Variants in TNRC6A observed in about 807,000 individuals in gnomAD.
The protein encoded by TNRC6A is trinucleotide repeat containing adaptor 6A.
TNRC6A carries 44 observed loss-of-function variants against 221.2 expected under a neutral mutation model. That is an observed-to-expected ratio of 0.20 (90% CI 0.16 to 0.26). TNRC6A has a LOEUF of 0.26. TNRC6A is among the 10% of genes least tolerant of loss of function. TNRC6A has a pLI of 1.00. For synonymous variants in TNRC6A, 847 were observed against 838.5 expected, an observed-to-expected ratio of 1.01 and a Z score of -0.18; for missense variants, 2,199 against 2,404.4, an observed-to-expected ratio of 0.91 and a Z score of 1.79.
Position 24,825,529 on chromosome 16 carries a change from G to A in TNRC6A, c.*1722G>A, listed in dbSNP as rs2058847979. On this transcript the variant is annotated 3_prime_UTR_variant, in exon 25 of 25. Transcript: ENST00000395799. Reference sequence around the variant, plus strand: ...ATAATGAAAGTTTCAAAGTTGCTATGTATGAGGGTTCTCATAGAGCAACCG... The same window carrying A: ...ATAATGAAAGTTTCAAAGTTGCTATATATGAGGGTTCTCATAGAGCAACCG... 1.3e-5 allele frequency: 2 copies of A among 152,612 alleles called. No homozygotes were observed. The highest frequency in any genetic ancestry group is 4.1e-4 in the South Asian group (2 of 4,828). 9.5% of individuals were successfully genotyped at this position (152,612 alleles called of 1,614,324 possible).
intron 22 of TNRC6A, chr16:24,821,839 C>T: frequency 1.8e-6 from 1 of 551,186 alleles, no homozygotes; most frequent in South Asian, 2.5e-5. Flanking sequence ...CTGCCCTCCT[C>T]TGTGGTGAAC....
intron 23 of TNRC6A, 127 bp downstream of exon 23, chr16:24,822,274 G>C (rs562170128): frequency 1.2e-6 from 1 of 868,106 alleles, no homozygotes; most frequent in South Asian, 1.6e-5. Flanking sequence ...CAGCAGAGGA[G>C]TGGTCTGTAG....
In TNRC6A at chr16:24,790,480, C is replaced by T. The variant is rs2151869178; in HGVS notation, c.1838C>T (p.Pro613Leu). The change falls in exon 6 of 25, where the codon CCC becomes CTC. Residue 613 changes from proline (P) to leucine (L), a missense_variant. By Grantham distance (98) the Pro-to-Leu change is moderately conservative. This residue lies in a region of TNRC6A where 1,405 missense variants were observed against 1,400.2 expected (regional missense o/e 1.00). Transcript: ENST00000395799. ...TPAQNTGTNL[P>L]SVEWNKLPSN... is the part of the protein sequence containing the mutation. The stretch of plus-strand genomic sequence containing the variant: ...GCACAAAACACTGGCACTAATTTAC[C>T]CAGCGTTGAGTGGAACAAACTGCCT... The T allele has an allele frequency of 6.2e-7, 1 of 1,614,198 alleles. No homozygotes were observed. Among genetic ancestry groups the T allele is most frequent in the Non-Finnish European group, 8.5e-7 (1 of 1,180,048 alleles).
At chr16:24,676,059 CT>C (rs2055414999) in intron 2 of TNRC6A, among the ~76,000 whole-genome samples, 1 of 151,860 alleles carries the variant, frequency 6.6e-6, no homozygotes, top group Non-Finnish European at 1.5e-5. Context: ...CTGAAATAAC[CT>C]CAAGAATGGA....
At chr16:24,781,291 T>C (rs1015531848) in intron 5 of TNRC6A, among the ~76,000 whole-genome samples, 1 of 151,944 alleles carries the variant, frequency 6.6e-6, no homozygotes, top group East Asian at 1.9e-4. Context: ...ACTCCTGAGC[T>C]CAAGCTATCT....
At chr16:24,655,054 G>C (rs565433782) in intron 2 of TNRC6A, among the ~76,000 whole-genome samples, 1 of 151,902 alleles carries the variant, frequency 6.6e-6, no homozygotes, top group East Asian at 2.0e-4. Flanking sequence ...ACTAGCCCGG[G>C]CAACATGACA....
intron 2 of TNRC6A, among the ~76,000 whole-genome samples, chr16:24,745,357 G>A (rs2056982188): frequency 6.6e-6 from 1 of 152,108 alleles, no homozygotes; most frequent in Non-Finnish European, 1.5e-5. Context: ...ATTAATTTAG[G>A]TAGGAGGATA....
intron 20 of TNRC6A, among the ~76,000 whole-genome samples, chr16:24,818,081 G>A (rs903190519): frequency 1.2e-4 from 18 of 152,304 alleles, no homozygotes; most frequent in African/African-American, 4.3e-4. Context: ...CTCAACTAGA[G>A]TAGTGGTCGA....
chr16:24,815,450 A>G (rs937880161), intron 19 of TNRC6A, 145 bp downstream of exon 19: 3 of 943,972 alleles, frequency 3.2e-6, no homozygotes, highest in Admixed American at 4.1e-5. Context: ...TGATTGAGGA[A>G]AAGTTAAGCA....
At chr16:24,749,466 G>A (rs1021995235) in intron 2 of TNRC6A, among the ~76,000 whole-genome samples, 1 of 152,208 alleles carries the variant, frequency 6.6e-6, no homozygotes, top group Non-Finnish European at 1.5e-5. Context: ...GCTACTATCT[G>A]TGGCTGTGTA....
rs113829020 is a variant in TNRC6A at position 24,791,048 on chromosome 16, G to A, written c.2406G>A (p.Gly802=). 1.4e-5 allele frequency: 22 copies of A among 1,596,252 alleles called. No individual in the cohort carries two copies. Among genetic ancestry groups the A allele is most frequent in the Admixed American group, 6.8e-5 (4 of 59,206 alleles). ...WGDSKGSNCQ[G]GWEDDSAATG... ...ATTCCAAAGGCTCAAACTGCCAGGG[G>A]GGGTGGGAAGATGATTCTGCTGCTA... Residue 802 remains glycine, a synonymous_variant, in exon 6 of 25, where the codon GGG becomes GGA. Transcript: ENST00000395799.
rs141024531 is a variant in TNRC6A at position 24,786,916 on chromosome 16, C to T, written c.590-2316C>T. Among the ~76,000 whole-genome samples the T allele has an allele frequency of 7.3e-3, 1,116 of 152,256 alleles. 9 individuals carry two copies. Among genetic ancestry groups the T allele is most frequent in the Non-Finnish European group, 0.012 (838 of 68,020 alleles). ...CAGGATGGTCTCAAACTCCAGACCT[C>T]GTGATCCCCTCGCCTTGGCCTCCCA... On this transcript the variant is annotated intron_variant, in intron 5 of 24. Transcript: ENST00000395799.
chr16:24,806,450 T>C (rs2058433824), intron 16 of TNRC6A, 124 bp from the exon 17 acceptor site: 1 of 1,363,716 alleles, frequency 7.3e-7, no homozygotes, highest in South Asian at 1.3e-5. Flanking sequence ...TATGTGAACA[T>C]TATACAGTGA....
chr16:24,786,427 G>A (rs548642496), intron 5 of TNRC6A, among the ~76,000 whole-genome samples: 8 of 151,404 alleles, frequency 5.3e-5, no homozygotes, highest in African/African-American at 1.9e-4. Context: ...CCAGGTTCAT[G>A]CCATTCTGCC....
chr16:24,655,810 T>C (rs2054899845), intron 2 of TNRC6A, among the ~76,000 whole-genome samples: 1 of 152,074 alleles, frequency 6.6e-6, no homozygotes, highest in African/African-American at 2.4e-5. Context: ...AGGATTTAAA[T>C]AACAGAATTA....
chr16:24,624,467 C>CGTTTGTTTGTTTGTTTGTTT (rs3042537), intron 1 of TNRC6A, among the ~76,000 whole-genome samples: 2 of 151,150 alleles, frequency 1.3e-5, no homozygotes, highest in African/African-American at 4.9e-5. Context: ...TGCTAAGGAC[C>CGTTTGTTTGTTTGTTTGTTT]GTTTGTTTGT....
intron 9 of TNRC6A, 139 bp from the exon 10 acceptor site, chr16:24,797,349 ACT>A: frequency 1.8e-6 from 1 of 566,766 alleles, no homozygotes; most frequent in South Asian, 3.0e-5. Flanking sequence ...ATTATTAACA[ACT>A]CTGATAAGAG....
Position 24,793,372 on chromosome 16 carries a change from A to G in TNRC6A, c.3176-101A>G, listed in dbSNP as rs140392366. ...ATCATTATTCAGTACATAAACATGA[A>G]GTTCTTCATCCTTGGTCCCTAAGTT... On this transcript the variant is annotated intron_variant, in intron 6 of 24. Coordinates refer to ENST00000395799, the MANE Select transcript of TNRC6A (RefSeq NM_014494.4). 481 of 765,760 alleles carry G rather than the reference A, an allele frequency of 6.3e-4. 1 individual carries two copies. Among genetic ancestry groups the G allele is most frequent in the Middle Eastern group, 4.4e-3 (10 of 2,258 alleles). 47.4% of individuals were successfully genotyped at this position (765,760 alleles called of 1,614,324 possible).
At chr16:24,760,701 G>T (rs914359663) in intron 4 of TNRC6A, among the ~76,000 whole-genome samples, 1 of 152,118 alleles carries the variant, frequency 6.6e-6, no homozygotes, top group African/African-American at 2.4e-5. Context: ...GGCAGATGTG[G>T]CCTACTTGGT....
Sources: gnomAD v4.1 joint callset for allele counts (sites outside exome capture counted in the v4.1 genomes callset) on GRCh38, gnomAD v4.1.1 for gene constraint, gnomAD v4.1.1 regional missense constraint, MANE v1.5 for transcripts, NCBI Gene and HGNC (gene_info 2026-07-23, HGNC 2026-07-21) for gene names.